SMARCC1: variants seen among roughly 807,000 people sequenced by gnomAD.
SMARCC1 encodes SWI/SNF complex subunit SMARCC1.
Under a neutral mutation model 147.4 loss-of-function variants are expected in SMARCC1, and 43 were observed. The observed-to-expected ratio is 0.29, with a 90% CI of 0.23 to 0.38. The LOEUF (loss-of-function observed/expected upper bound fraction) is 0.38. Among genes scored for constraint, SMARCC1 ranks in the 10% least tolerant of loss-of-function variants. The probability of loss-of-function intolerance (pLI) is 1.00; values close to 1 mark genes in which losing one functional copy is unlikely to be tolerated. For missense variants in SMARCC1, 1,119 were observed against 1,381.1 expected (o/e 0.81, Z 3.01); for synonymous variants, 495 against 484.4 (o/e 1.02, Z -0.29).
rs557962560 is a variant in SMARCC1 at position 47,717,908 on chromosome 3, T to C, written c.716+2758A>G. 3.3e-5 allele frequency among the ~76,000 whole-genome samples: 5 copies of C among 151,904 alleles called. No homozygotes were observed. The South Asian group carries it at 1.0e-3, about 32-fold the overall frequency. On this transcript the variant is annotated intron_variant, in intron 7 of 27. Coordinates refer to ENST00000254480, the MANE Select transcript of SMARCC1 (RefSeq NM_003074.4). ...AGGAACTGTTTGGGTTTTTTTAAGA[T>C]GACAATGGTATTATTACTTTGAACA... is the stretch of plus-strand genomic sequence containing the variant.
chr3:47,593,688 C>T (rs1476119042), intron 26 of SMARCC1, among the ~76,000 whole-genome samples: 3 of 152,134 alleles, frequency 2.0e-5, no homozygotes, highest in East Asian at 3.8e-4. Flanking sequence ...CAAAGCAGTA[C>T]TGAAGATAAT....
chr3:47,588,405 AGTG>A, intron 27 of SMARCC1, 99 bp from the exon 28 acceptor site: 1 of 1,100,648 alleles, frequency 9.1e-7, no homozygotes, highest in African/African-American at 1.6e-5. Context: ...TCCTTTCCTT[AGTG>A]GCAGGCAACC....
At chr3:47,748,608 C>T (rs1210093266) in intron 2 of SMARCC1, among the ~76,000 whole-genome samples, 14 of 152,082 alleles carry the variant, frequency 9.2e-5, no homozygotes, top group Admixed American at 9.2e-4. Context: ...TTCAAGAGAT[C>T]TGTGCTTTAC....
intron 3 of SMARCC1, among the ~76,000 whole-genome samples, chr3:47,740,195 TTTTTTTTTTTTTTTTTA>T (rs1357332577): frequency 5.2e-5 from 7 of 135,300 alleles, no homozygotes; most frequent in Admixed American, 4.7e-4. Context: ...TTTTTTTTTT[TTTTTTTTTTTTTTTTTA>T]AAAGACAGAC....
chr3:47,768,860 A>G (rs2034872655), intron 2 of SMARCC1, among the ~76,000 whole-genome samples: 1 of 152,174 alleles, frequency 6.6e-6, no homozygotes, highest in Admixed American at 6.6e-5. Flanking sequence ...AAAGTTCTTC[A>G]TACTAATCTT....
intron 1 of SMARCC1, among the ~76,000 whole-genome samples, 153 bp downstream of exon 1, chr3:47,781,450 G>C (rs915994839): frequency 2.0e-5 from 3 of 152,138 alleles, no homozygotes; most frequent in Non-Finnish European, 4.4e-5. Context: ...CGGGCGCCCA[G>C]AGCGGGCGGC....
chr3:47,633,787 CA>C, intron 24 of SMARCC1, among the ~76,000 whole-genome samples: 1 of 28,192 alleles, frequency 3.5e-5, no homozygotes, highest in African/African-American at 6.6e-5. Context: ...TATACACACA[CA>C]CACACACACA....
chr3:47,755,487 ACT>A (rs1412646019), intron 2 of SMARCC1, among the ~76,000 whole-genome samples: 1 of 147,510 alleles, frequency 6.8e-6, no homozygotes, highest in Admixed American at 6.9e-5. Context: ...ACAGAGCAAG[ACT>A]CTGTCTCAAA....
chr3:47,674,602 A>G (rs1559641576), intron 18 of SMARCC1, among the ~76,000 whole-genome samples: 2 of 152,136 alleles, frequency 1.3e-5, no homozygotes, highest in Admixed American at 6.5e-5. Flanking sequence ...AGCATAATGT[A>G]CCCGAGTGTG....
chr3:47,711,555 G>A (rs566811243), intron 8 of SMARCC1, among the ~76,000 whole-genome samples: 39 of 152,274 alleles, frequency 2.6e-4, no homozygotes, highest in African/African-American at 8.2e-4. Flanking sequence ...AGTGTTGGTT[G>A]AAATGAACAT....
intron 26 of SMARCC1, among the ~76,000 whole-genome samples, chr3:47,595,745 T>C (rs2106644686): frequency 6.6e-6 from 1 of 150,532 alleles, no homozygotes; most frequent in South Asian, 2.1e-4. Flanking sequence ...TCTTTTTCTT[T>C]TTTTTTGAGA....
intron 13 of SMARCC1, among the ~76,000 whole-genome samples, chr3:47,687,881 A>G (rs2033744847): frequency 6.6e-6 from 1 of 152,204 alleles, no homozygotes; most frequent in Non-Finnish European, 1.5e-5. Context: ...CTCCCATCTC[A>G]GCTTTCCAAA....
At chr3:47,626,293 C>T (rs753009329) in intron 24 of SMARCC1, among the ~76,000 whole-genome samples, 2 of 151,486 alleles carry the variant, frequency 1.3e-5, no homozygotes, top group Non-Finnish European at 2.9e-5. Context: ...ATTACAGGCG[C>T]CCGCCACCAA....
In SMARCC1 at chr3:47,706,452, G is replaced by A. The variant is rs570864616; in HGVS notation, c.997C>T (p.Pro333Ser). The A allele has an allele frequency of 2.5e-6, 4 of 1,579,124 alleles. No individual in the cohort carries two copies. Among genetic ancestry groups the A allele is most frequent in the African/African-American group, 2.8e-5 (2 of 72,314 alleles). Residue 333 changes from proline (P) to serine (S), a missense_variant, in exon 10 of 28, where the codon CCT becomes TCT. Pro to Ser is a moderately conservative substitution (Grantham distance 74, BLOSUM62 -1). Transcript: ENST00000254480. ...TTCCGTGATTCTGTTGGTGTCGGAGGGGGAGGCGAAGGCGAATGTTTCCTC... is the reference window on the plus strand; with the variant it reads ...TTCCGTGATTCTGTTGGTGTCGGAGAGGGAGGCGAAGGCGAATGTTTCCTC... ...RKRKHSPSPPPPTPTESRKKS... is the reference protein window; with the variant it reads ...RKRKHSPSPPSPTPTESRKKS...
At chr3:47,688,477 T>C (rs1014434444) in intron 13 of SMARCC1, among the ~76,000 whole-genome samples, 97 of 152,194 alleles carry the variant, frequency 6.4e-4, no homozygotes, top group African/African-American at 2.1e-3. Flanking sequence ...AAAAAATCTA[T>C]ATTCAGCAAG....
intron 17 of SMARCC1, among the ~76,000 whole-genome samples, 177 bp downstream of exon 17, chr3:47,676,452 T>A (rs2033575207): frequency 6.6e-6 from 1 of 152,146 alleles, no homozygotes; most frequent in African/African-American, 2.4e-5. Flanking sequence ...ACTTAAACAC[T>A]ATATATTCTT....
At chr3:47,646,290 T>C (rs1383063980) in intron 21 of SMARCC1, among the ~76,000 whole-genome samples, 2 of 152,246 alleles carry the variant, frequency 1.3e-5, no homozygotes, top group Non-Finnish European at 2.9e-5. Context: ...AAGTCTCTCT[T>C]TGGTCTAAAT....
intron 15 of SMARCC1, 136 bp from the exon 16 acceptor site, chr3:47,678,447 T>TATTG (rs979444479): frequency 3.7e-5 from 17 of 461,648 alleles, no homozygotes; most frequent in Non-Finnish European, 6.7e-5. Flanking sequence ...ACATTGATAT[T>TATTG]ATATTGCACA....
chr3:47,624,125 T>C (rs1198468157), intron 24 of SMARCC1, among the ~76,000 whole-genome samples: 1 of 151,888 alleles, frequency 6.6e-6, no homozygotes, highest in Non-Finnish European at 1.5e-5. Context: ...ACCCTGTCTC[T>C]ACTAAAAATT....
Sources: allele counts gnomAD v4.1 joint callset (sites outside exome capture counted in the v4.1 genomes callset), GRCh38; gene constraint gnomAD v4.1.1; transcripts MANE v1.5; gene names NCBI Gene and HGNC (gene_info 2026-07-23, HGNC 2026-07-21).